The following ATF6 variants were observed in gnomAD, a reference collection of about 807,000 sequenced individuals.
ATF6 encodes the protein cyclic AMP-dependent transcription factor ATF-6 alpha.
ATF6 carries 53 observed loss-of-function variants against 83.6 expected under a neutral mutation model. The ratio of observed to expected loss-of-function variants is 0.63; its 90% confidence interval spans 0.51 to 0.80. The LOEUF (loss-of-function observed/expected upper bound fraction) is 0.80. Ranked by LOEUF, ATF6 falls within the 30% of genes least tolerant of loss-of-function variation. ATF6 has a pLI of 0.00. For missense variants in ATF6, 744 were observed against 797.9 expected, an observed-to-expected ratio of 0.93 and a Z score of 0.81; for synonymous variants, 288 against 285.8, an observed-to-expected ratio of 1.01 and a Z score of -0.08.
intron 14 of ATF6, among the ~76,000 whole-genome samples, chr1:161,871,082 G>T (rs7517862): frequency 6.6e-6 from 1 of 151,490 alleles, no homozygotes; most frequent in Non-Finnish European, 1.5e-5. Context: ...AATAAATGTT[G>T]ACTACTCAGA....
At chr1:161,900,771 A>G (rs1372853454) in intron 14 of ATF6, among the ~76,000 whole-genome samples, 1 of 152,146 alleles carries the variant, frequency 6.6e-6, no homozygotes, top group African/African-American at 2.4e-5. Flanking sequence ...TTCATTCTGT[A>G]AGTTTTGTAC....
intron 7 of ATF6, among the ~76,000 whole-genome samples, chr1:161,810,691 A>G (rs1685433925): frequency 6.6e-6 from 1 of 152,054 alleles, no homozygotes. Context: ...TAGTGGTACC[A>G]TCACTGCTGT....
Position 161,939,238 on chromosome 1 carries a change from T to C in ATF6, c.1805-19208T>C, listed in dbSNP as rs1458581346. On this transcript the variant is annotated intron_variant, in intron 15 of 15. Transcript: ENST00000367942. ...CATTAGATGCTAGTTCTCAGTCTCA[T>C]TTGACTCTTTCTCTTCTCCCAAACC... Among the ~76,000 whole-genome samples, 9 of 152,342 alleles carry C rather than the reference T, an allele frequency of 5.9e-5. No individual in the cohort carries two copies. The East Asian group carries it at 1.7e-3, about 29-fold the overall frequency.
chr1:161,944,002 A>G (rs1219939575), intron 15 of ATF6, among the ~76,000 whole-genome samples: 1 of 152,174 alleles, frequency 6.6e-6, no homozygotes, highest in Non-Finnish European at 1.5e-5. Context: ...CATAGCAGGC[A>G]CTCAATAAAT....
intron 9 of ATF6, among the ~76,000 whole-genome samples, chr1:161,824,278 C>G (rs1685834541): frequency 6.6e-6 from 1 of 151,780 alleles, no homozygotes; most frequent in African/African-American, 2.4e-5. Context: ...GCCCTTCCCT[C>G]AGAGATTCTT....
At chr1:161,828,902 A>G (rs1322917943) in intron 9 of ATF6, among the ~76,000 whole-genome samples, 1 of 152,200 alleles carries the variant, frequency 6.6e-6, no homozygotes, top group African/African-American at 2.4e-5. Context: ...TCTCATATGC[A>G]GAGACACACA....
chr1:161,906,105 T>G (rs1190493552), intron 14 of ATF6, among the ~76,000 whole-genome samples: 1 of 152,208 alleles, frequency 6.6e-6, no homozygotes. Context: ...AGTGCTGGGA[T>G]TATAGGCGTG....
At chr1:161,793,228 T>C (rs748488954) in intron 6 of ATF6, among the ~76,000 whole-genome samples, 9 of 152,204 alleles carry the variant, frequency 5.9e-5, no homozygotes, top group Non-Finnish European at 1.2e-4. Flanking sequence ...AGCTTTGTTC[T>C]ATTACATGGT....
chr1:161,768,930 T>A (rs1303930947), intron 1 of ATF6, among the ~76,000 whole-genome samples: 1 of 152,182 alleles, frequency 6.6e-6, no homozygotes, highest in African/African-American at 2.4e-5. Flanking sequence ...ATGTAATTAG[T>A]ATGTCCTGTG....
At chr1:161,925,086 G>A (rs1688287389) in intron 15 of ATF6, among the ~76,000 whole-genome samples, 1 of 152,162 alleles carries the variant, frequency 6.6e-6, no homozygotes, top group African/African-American at 2.4e-5. Flanking sequence ...ACCTTCAGCT[G>A]TGTGTATACT....
chr1:161,804,965 C>T (rs919888649), intron 7 of ATF6, among the ~76,000 whole-genome samples: 1 of 151,692 alleles, frequency 6.6e-6, no homozygotes, highest in Non-Finnish European at 1.5e-5. Context: ...ATATATAGGT[C>T]AAGAGTATGT....
At chr1:161,839,161 ATTTG>A (rs1686294737) in intron 9 of ATF6, among the ~76,000 whole-genome samples, 1 of 152,098 alleles carries the variant, frequency 6.6e-6, no homozygotes, top group African/African-American at 2.4e-5. Context: ...AAGTTTATTT[ATTTG>A]TTTATTTTTT....
At chr1:161,788,299 T>G (rs769838624) in intron 4 of ATF6, among the ~76,000 whole-genome samples, 1 of 152,252 alleles carries the variant, frequency 6.6e-6, no homozygotes, top group Non-Finnish European at 1.5e-5. Flanking sequence ...ACTTTGTATT[T>G]CTTTGGTTAT....
chr1:161,918,444 T>G (rs1688143415), intron 15 of ATF6, among the ~76,000 whole-genome samples: 1 of 152,168 alleles, frequency 6.6e-6, no homozygotes, highest in African/African-American at 2.4e-5. Context: ...AAAGTTGTCC[T>G]ATAGGAAACT....
intron 4 of ATF6, among the ~76,000 whole-genome samples, chr1:161,790,703 C>A (rs1007910824): frequency 6.6e-6 from 1 of 151,896 alleles, no homozygotes; most frequent in Non-Finnish European, 1.5e-5. Context: ...TGTAGCTACT[C>A]GGGAGGCTAA....
At chr1:161,874,918 C>G (rs1687181086) in intron 14 of ATF6, among the ~76,000 whole-genome samples, 1 of 151,674 alleles carries the variant, frequency 6.6e-6, no homozygotes, top group Non-Finnish European at 1.5e-5. Context: ...ATATTTGACC[C>G]TAACCTTTCA....
chr1:161,926,671 A>G (rs1688317985), intron 15 of ATF6, among the ~76,000 whole-genome samples: 1 of 152,156 alleles, frequency 6.6e-6, no homozygotes, highest in South Asian at 2.1e-4. Flanking sequence ...GTACAAGGGT[A>G]TGAATACCAG....
chr1:161,854,162 C>T (rs550569581), intron 12 of ATF6, among the ~76,000 whole-genome samples: 135 of 152,258 alleles, frequency 8.9e-4, no homozygotes, highest in African/African-American at 2.0e-3. Context: ...TTTAAGACAA[C>T]ATTGTTAAGG....
At chr1:161,947,788 T>C (rs538031146) in intron 15 of ATF6, among the ~76,000 whole-genome samples, 1 of 144,112 alleles carries the variant, frequency 6.9e-6, no homozygotes, top group Admixed American at 7.0e-5. Context: ...ATAAAAAATA[T>C]TCCATAGTCC....
Sources: gnomAD v4.1 joint callset for allele counts (sites outside exome capture counted in the v4.1 genomes callset) on GRCh38, gnomAD v4.1.1 for gene constraint, MANE v1.5 for transcripts, NCBI Gene and HGNC (gene_info 2026-07-23, HGNC 2026-07-21) for gene names.